Variants in CDH13 observed in about 807,000 individuals in gnomAD.
CDH13 encodes cadherin 13.
CDH13 carries 24 observed loss-of-function variants against 63.8 expected under a neutral mutation model. That is an observed-to-expected ratio of 0.38 (90% CI 0.27 to 0.53). The LOEUF (loss-of-function observed/expected upper bound fraction) is 0.53, where lower values mean the gene tolerates loss of function less well. CDH13 is among the 20% of genes least tolerant of loss of function. CDH13 has a pLI of 0.85. For synonymous variants in CDH13, 503 were observed against 355.3 expected, an observed-to-expected ratio of 1.42 and a Z score of -4.67; for missense variants, 1,049 against 903.1, an observed-to-expected ratio of 1.16 and a Z score of -2.07.
chr16:83,301,049 T>TG (rs2089728585), intron 5 of CDH13, among the ~76,000 whole-genome samples: 1 of 144,668 alleles, frequency 6.9e-6, no homozygotes, highest in Non-Finnish European at 1.5e-5. Flanking sequence ...TTTTTTTTTT[T>TG]GAGACAGAGC....
chr16:83,426,509 T>TCACACACACACA (rs10545707), intron 6 of CDH13, among the ~76,000 whole-genome samples: 192 of 146,602 alleles, frequency 1.3e-3, no homozygotes, highest in Admixed American at 2.2e-3. Flanking sequence ...ATGGAAACAA[T>TCACACACACACA]CACACACACA....
chr16:83,720,678 G>A (rs1390366328), intron 10 of CDH13, among the ~76,000 whole-genome samples: 9 of 152,084 alleles, frequency 5.9e-5, no homozygotes, highest in Admixed American at 5.2e-4. Context: ...GCAAAGACAG[G>A]GTGCCAGACA....
intron 1 of CDH13, among the ~76,000 whole-genome samples, chr16:82,816,848 C>T (rs756985730): frequency 1.3e-5 from 2 of 151,790 alleles, no homozygotes; most frequent in Non-Finnish European, 2.9e-5. Flanking sequence ...CTCATCTCTG[C>T]ACTCCTGAAG....
intron 6 of CDH13, among the ~76,000 whole-genome samples, chr16:83,410,871 G>A (rs959830961): frequency 5.3e-5 from 8 of 152,096 alleles, no homozygotes; most frequent in East Asian, 1.9e-4. Flanking sequence ...AAATCACCAC[G>A]ACAATAAGCT....
At chr16:82,934,598 G>GC (rs1367751012) in intron 2 of CDH13, among the ~76,000 whole-genome samples, 3 of 152,098 alleles carry the variant, frequency 2.0e-5, no homozygotes, top group African/African-American at 7.2e-5. Flanking sequence ...CTTTTCTATT[G>GC]CATTGTCAGG....
At chr16:82,800,247 T>C (rs955480090) in intron 1 of CDH13, among the ~76,000 whole-genome samples, 9 of 152,168 alleles carry the variant, frequency 5.9e-5, no homozygotes, top group African/African-American at 2.2e-4. Flanking sequence ...CAAAAATGAA[T>C]TATTGAATGA....
chr16:82,747,524 G>T (rs965261411), intron 1 of CDH13, among the ~76,000 whole-genome samples: 2 of 152,168 alleles, frequency 1.3e-5, no homozygotes, highest in African/African-American at 2.4e-5. Flanking sequence ...CATTACCTGA[G>T]AACTTATTTG....
intron 7 of CDH13, among the ~76,000 whole-genome samples, chr16:83,555,999 G>A (rs1405879348): frequency 6.6e-6 from 1 of 152,160 alleles, no homozygotes; most frequent in African/African-American, 2.4e-5. Flanking sequence ...GTACCCAGAG[G>A]GTTTTAACTG....
intron 5 of CDH13, among the ~76,000 whole-genome samples, chr16:83,334,771 C>A (rs2090557273): frequency 6.6e-6 from 1 of 152,176 alleles, no homozygotes; most frequent in South Asian, 2.1e-4. Flanking sequence ...TAGACCGAAA[C>A]TTCATGAAAA....
intron 7 of CDH13, among the ~76,000 whole-genome samples, chr16:83,511,510 C>G (rs1010886175): frequency 1.3e-5 from 2 of 151,748 alleles, no homozygotes; most frequent in African/African-American, 4.8e-5. Flanking sequence ...CACTCACACA[C>G]TCGCACATAC....
rs1470879202 is a variant in CDH13, at chr16:83,637,328, C to T, written c.1102-33462C>T. ...GCGTGAGCGCTCCCAGCGTGAGCTA[C>T]GCAGAAGACGGTGATTTCTGCATTT... On this transcript the variant is annotated intron_variant, in intron 8 of 13. Coordinates refer to ENST00000567109, the MANE Select transcript of CDH13 (RefSeq NM_001257.5). Among the ~76,000 whole-genome samples the T allele has an allele frequency of 1.6e-4, 12 of 73,246 alleles. 2 individuals carry two copies. Among genetic ancestry groups the T allele is most frequent in the Admixed American group, 3.0e-4 (2 of 6,662 alleles). The allele number at this position is 73,246 out of a possible 152,430, so 48.1% of individuals were successfully genotyped here.
At chr16:83,456,701 A>T (rs2073033727) in intron 6 of CDH13, among the ~76,000 whole-genome samples, 3 of 152,222 alleles carry the variant, frequency 2.0e-5, no homozygotes, top group Admixed American at 6.5e-5. Context: ...AGGGTTCATG[A>T]CCGTAATCCC....
At chr16:82,815,005 A>G (rs542893262) in intron 1 of CDH13, among the ~76,000 whole-genome samples, 27 of 151,994 alleles carry the variant, frequency 1.8e-4, no homozygotes, top group African/African-American at 6.5e-4. Flanking sequence ...TAGGTAAAAC[A>G]TTTTGTTTTT....
intron 1 of CDH13, among the ~76,000 whole-genome samples, chr16:82,671,176 A>T (rs918702190): frequency 1.3e-5 from 2 of 152,240 alleles, no homozygotes; most frequent in Non-Finnish European, 2.9e-5. Flanking sequence ...AAGTACTAAA[A>T]TAAATTGCTT....
chr16:82,804,290 CACA>C (rs2037031400), intron 1 of CDH13, among the ~76,000 whole-genome samples: 4 of 142,572 alleles, frequency 2.8e-5, no homozygotes, highest in African/African-American at 1.1e-4. Context: ...CACACACACA[CACA>C]CACACACACA....
chr16:82,770,365 A>G (rs1462990670), intron 1 of CDH13, among the ~76,000 whole-genome samples: 1 of 152,220 alleles, frequency 6.6e-6, no homozygotes, highest in Non-Finnish European at 1.5e-5. Context: ...TAAAAAAGGA[A>G]AAGGAAGAAA....
chr16:83,023,502 C>G (rs1915533712), intron 2 of CDH13, among the ~76,000 whole-genome samples: 1 of 152,132 alleles, frequency 6.6e-6, no homozygotes, highest in South Asian at 2.1e-4. Flanking sequence ...TTCATTTCCC[C>G]TTTCAGATAG....
At chr16:83,150,879 A>G (rs2036951077) in intron 4 of CDH13, among the ~76,000 whole-genome samples, 1 of 152,170 alleles carries the variant, frequency 6.6e-6, no homozygotes, top group Non-Finnish European at 1.5e-5. Flanking sequence ...ATTATAGCAT[A>G]CATTCTGTCA....
intron 6 of CDH13, among the ~76,000 whole-genome samples, chr16:83,382,825 T>G (rs1037787866): frequency 7.9e-5 from 12 of 152,156 alleles, no homozygotes; most frequent in Admixed American, 2.6e-4. Flanking sequence ...TGGAGCTGAC[T>G]TTGCACTCCC....
Sources: gnomAD v4.1 joint callset for allele counts (sites outside exome capture counted in the v4.1 genomes callset) on GRCh38, gnomAD v4.1.1 for gene constraint, MANE v1.5 for transcripts, NCBI Gene and HGNC (gene_info 2026-07-23, HGNC 2026-07-21) for gene names.